CAMK1D: variants seen among roughly 807,000 people sequenced by gnomAD.
CAMK1D encodes calcium/calmodulin-dependent protein kinase type 1D.
A neutral mutation model predicts 47.7 loss-of-function variants in CAMK1D; 9 were observed. The observed-to-expected ratio is 0.19, with a 90% CI of 0.11 to 0.33. The LOEUF is 0.33. Ranked by LOEUF, CAMK1D falls within the 10% of genes least tolerant of loss-of-function variation. CAMK1D has a pLI of 1.00. For missense variants in CAMK1D, 291 were observed against 488.7 expected, an observed-to-expected ratio of 0.60 and a Z score of 3.81; for synonymous variants, 184 against 184.9, an observed-to-expected ratio of 0.99 and a Z score of 0.04.
At chr10:12,638,364 G>A (rs1265806580) in intron 2 of CAMK1D, among the ~76,000 whole-genome samples, 1 of 151,900 alleles carries the variant, frequency 6.6e-6, no homozygotes, top group Non-Finnish European at 1.5e-5. Flanking sequence ...CCCAGCCTCC[G>A]CCTCCTCTCC....
At chr10:12,402,517 A>G (rs2131920011) in intron 1 of CAMK1D, among the ~76,000 whole-genome samples, 1 of 152,324 alleles carries the variant, frequency 6.6e-6, no homozygotes, top group South Asian at 2.1e-4. Context: ...TGCCACACTT[A>G]GTCATTTGGT....
chr10:12,664,290 T>C (rs1001748138), intron 2 of CAMK1D, among the ~76,000 whole-genome samples: 4 of 152,198 alleles, frequency 2.6e-5, no homozygotes, highest in African/African-American at 2.4e-5. Context: ...GATTGGTTGA[T>C]GGAGAGATAT....
chr10:12,439,894 TGGC>T (rs1266597356), intron 1 of CAMK1D, among the ~76,000 whole-genome samples: 1 of 152,174 alleles, frequency 6.6e-6, no homozygotes, highest in Admixed American at 6.5e-5. Flanking sequence ...ACATCTTACA[TGGC>T]GGCAGGCAAG....
chr10:12,762,720 A>G (rs1836566821), intron 4 of CAMK1D, among the ~76,000 whole-genome samples: 1 of 152,154 alleles, frequency 6.6e-6, no homozygotes, highest in African/African-American at 2.4e-5. Flanking sequence ...CATCCTCTGC[A>G]GGCTTCTTGA....
chr10:12,588,000 TG>T (rs553465651), intron 2 of CAMK1D, among the ~76,000 whole-genome samples: 12 of 152,316 alleles, frequency 7.9e-5, no homozygotes, highest in Admixed American at 7.8e-4. Context: ...TGCAGCTTTG[TG>T]GGAGCACTTG....
intron 3 of CAMK1D, among the ~76,000 whole-genome samples, chr10:12,741,880 T>G (rs1835448016): frequency 6.6e-6 from 1 of 152,160 alleles, no homozygotes; most frequent in Non-Finnish European, 1.5e-5. Context: ...GATGGACATT[T>G]ACATCCTCTC....
intron 3 of CAMK1D, among the ~76,000 whole-genome samples, chr10:12,728,103 G>C (rs563154682): frequency 6.6e-6 from 1 of 152,158 alleles, no homozygotes; most frequent in African/African-American, 2.4e-5. Flanking sequence ...TGTGTCAAAG[G>C]CTTCCCTGTG....
At chr10:12,463,714 T>C (rs545027622) in intron 1 of CAMK1D, among the ~76,000 whole-genome samples, 1 of 152,244 alleles carries the variant, frequency 6.6e-6, no homozygotes, top group Non-Finnish European at 1.5e-5. Context: ...CCCCCTGATA[T>C]GGTTAGGCTT....
intron 2 of CAMK1D, among the ~76,000 whole-genome samples, chr10:12,647,396 G>T (rs1209731657): frequency 6.6e-6 from 1 of 151,582 alleles, no homozygotes; most frequent in Admixed American, 6.6e-5. Flanking sequence ...TGACCCACGT[G>T]CCTCGGCCTC....
chr10:12,376,787 T>C (rs1838195645), intron 1 of CAMK1D, among the ~76,000 whole-genome samples: 1 of 151,196 alleles, frequency 6.6e-6, no homozygotes, highest in Non-Finnish European at 1.5e-5. Flanking sequence ...AGAGTCTTGC[T>C]CTGTCGCCCA....
chr10:12,774,799 T>C (rs923658377), intron 5 of CAMK1D, among the ~76,000 whole-genome samples: 1 of 152,188 alleles, frequency 6.6e-6, no homozygotes, highest in African/African-American at 2.4e-5. Context: ...CCGCAAGAGA[T>C]TTAGGTTGCG....
At chr10:12,705,688 C>T (rs1833704568) in intron 3 of CAMK1D, among the ~76,000 whole-genome samples, 1 of 152,198 alleles carries the variant, frequency 6.6e-6, no homozygotes, top group Non-Finnish European at 1.5e-5. Flanking sequence ...TTGCCCCTAA[C>T]AAGGACTTGG....
At chr10:12,722,522 C>T (rs1010687555) in intron 3 of CAMK1D, among the ~76,000 whole-genome samples, 3 of 150,730 alleles carry the variant, frequency 2.0e-5, no homozygotes, top group Non-Finnish European at 4.4e-5. Flanking sequence ...CAAAGTTATC[C>T]CCTAGAAGTT....
rs57429397 is a variant in CAMK1D at position 12,801,354 on chromosome 10, T to TATCTAATCTATCTATCTATC, written c.641+10121_641+10122insATCTAATCTATCTATCTATC. Among the ~76,000 whole-genome samples the TATCTAATCTATCTATCTATC allele has an allele frequency of 6.0e-4, 40 of 66,564 alleles. 1 individual carries two copies. In the East Asian group the frequency reaches 8.0e-3, roughly 13 times the overall value. The allele number at this position is 66,564 out of a possible 152,430, so 43.7% of individuals were successfully genotyped here. ...CTATCTATCTATCTATCTATCTATC[T>TATCTAATCTATCTATCTATC]TATCTATCTATCTATCTATCTATCT... On this transcript the variant is annotated intron_variant, in intron 6 of 10. Transcript: ENST00000619168.
At chr10:12,435,440 C>G (rs1832605340) in intron 1 of CAMK1D, among the ~76,000 whole-genome samples, 1 of 151,960 alleles carries the variant, frequency 6.6e-6, no homozygotes, top group South Asian at 2.1e-4. Flanking sequence ...TTGGAAGGGC[C>G]TCCTGTAGAT....
chr10:12,543,444 C>T (rs1836262832), intron 1 of CAMK1D, among the ~76,000 whole-genome samples: 1 of 152,098 alleles, frequency 6.6e-6, no homozygotes, highest in South Asian at 2.1e-4. Context: ...TTCTCATTTC[C>T]ATTTTTTATA....
At chr10:12,800,427 A>T (rs2131029694) in intron 6 of CAMK1D, among the ~76,000 whole-genome samples, 1 of 152,372 alleles carries the variant, frequency 6.6e-6, no homozygotes, top group Admixed American at 6.5e-5. Flanking sequence ...GGATGCAGAC[A>T]TTCATTCAAT....
chr10:12,593,185 A>G (rs1588669696), intron 2 of CAMK1D, among the ~76,000 whole-genome samples: 2 of 152,250 alleles, frequency 1.3e-5, no homozygotes, highest in South Asian at 4.1e-4. Flanking sequence ...TTACAAAAAC[A>G]GGTGGTGGGC....
chr10:12,565,242 G>T (rs371074557), intron 2 of CAMK1D, among the ~76,000 whole-genome samples: 11 of 145,312 alleles, frequency 7.6e-5, no homozygotes, highest in African/African-American at 2.5e-4. Flanking sequence ...ATACATCTCC[G>T]TATTTTTAAT....
Sources: allele counts gnomAD v4.1 joint callset (sites outside exome capture counted in the v4.1 genomes callset), GRCh38; gene constraint gnomAD v4.1.1; transcripts MANE v1.5; gene names NCBI Gene and HGNC (gene_info 2026-07-23, HGNC 2026-07-21).